EVC: variants seen among roughly 807,000 people sequenced by gnomAD.
EVC encodes the protein EvC ciliary complex subunit 1, also known as evC complex member EVC.
EVC carries 116 observed loss-of-function variants against 118.9 expected under a neutral mutation model. The ratio of observed to expected loss-of-function variants is 0.98; its 90% CI spans 0.84 to 1.14. The LOEUF is 1.14. Among genes scored for constraint, EVC ranks in the 50% most tolerant of loss-of-function variants. EVC has a pLI of 0.00. For missense variants in EVC, 1,401 were observed against 1,246.4 expected, an observed-to-expected ratio of 1.12 and a Z score of -1.87; for synonymous variants, 619 against 534.7, an observed-to-expected ratio of 1.16 and a Z score of -2.18.
At chr4:5,748,600 C>G (rs1729785086) in intron 8 of EVC, among the ~76,000 whole-genome samples, 1 of 133,972 alleles carries the variant, frequency 7.5e-6, no homozygotes, top group African/African-American at 2.8e-5. Flanking sequence ...ATCCATCCAT[C>G]CACCCATCCA....
At chr4:5,779,500 A>G (rs1735261091) in intron 11 of EVC, among the ~76,000 whole-genome samples, 1 of 148,944 alleles carries the variant, frequency 6.7e-6, no homozygotes, top group Admixed American at 6.7e-5. Context: ...ATTTGTTTGT[A>G]TCCTCTTTTA....
At position 5,769,294 on chromosome 4, in the gene EVC, T is replaced by A. The variant is rs139878602; in HGVS notation, c.1563+12932T>A. On this transcript the variant is annotated intron_variant, in intron 11 of 20. Coordinates refer to ENST00000264956, the MANE Select transcript of EVC (RefSeq NM_153717.3). The stretch of plus-strand genomic sequence containing the variant: ...CAGATCTCATGAGACTTACCCACTG[T>A]CACAAGAACAGCATGGGAAAGACCC... Among the ~76,000 whole-genome samples the A allele has an allele frequency of 2.9e-3, 436 of 152,192 alleles. 6 individuals carry two copies. Among genetic ancestry groups the A allele is most frequent in the African/African-American group, 0.01 (417 of 41,474 alleles).
chr4:5,824,300 T>C, the EVC span: 1 of 985,416 alleles, frequency 1.0e-6, no homozygotes. Context: ...TTTAGCATTC[T>C]ATTTAGGGTC....
At chr4:5,790,283 CAG>C (rs1427662431) in intron 12 of EVC, among the ~76,000 whole-genome samples, 1 of 151,796 alleles carries the variant, frequency 6.6e-6, no homozygotes, top group Non-Finnish European at 1.5e-5. Context: ...CAAGAGGAAT[CAG>C]AGATGGGAGT....
At chr4:5,771,896 T>TTTA (rs144615603) in intron 11 of EVC, among the ~76,000 whole-genome samples, 10 of 150,652 alleles carry the variant, frequency 6.6e-5, no homozygotes, top group Admixed American at 3.3e-4. Flanking sequence ...TTTATTTTAT[T>TTTA]TTATTATTAT....
intron 2 of EVC, 151 bp from the exon 3 acceptor site, chr4:5,729,156 A>G (rs1726372928): frequency 1.4e-6 from 1 of 734,974 alleles, no homozygotes; most frequent in African/African-American, 1.7e-5. Context: ...TCCTTCTGGC[A>G]AGGAAGAGCT....
At chr4:5,816,016 T>G (rs1717616987), downstream of EVC, among the ~76,000 whole-genome samples, 1 of 151,900 alleles carries the variant, frequency 6.6e-6, no homozygotes, top group African/African-American at 2.4e-5. Flanking sequence ...AATACTATTT[T>G]CCCCCCATGG....
rs1729445720 is a variant in EVC, at chr4:5,746,959, G to C, written c.940-1189G>C. Among the ~76,000 whole-genome samples the C allele has an allele frequency of 6.6e-6, 1 of 152,112 alleles. No individual in the cohort carries two copies. Among genetic ancestry groups the C allele is most frequent in the Non-Finnish European group, 1.5e-5 (1 of 68,026 alleles). On this transcript the variant is annotated intron_variant, in intron 7 of 20. Coordinates refer to ENST00000264956, the MANE Select transcript of EVC (RefSeq NM_153717.3). This position sits in a 1 kb window ranked among gnomAD's most constrained non-coding sequence, Gnocchi z 5.8. ...AAGCAGAGCGGGCTGTGTAGAGTTGGCAGGTGACAGTCTGCAGTCACGTGG... is the reference window on the plus strand; with the variant it reads ...AAGCAGAGCGGGCTGTGTAGAGTTGCCAGGTGACAGTCTGCAGTCACGTGG...
intron 17 of EVC, 69 bp from the exon 18 acceptor site, chr4:5,808,132 T>TGCCAAC: frequency 2.2e-6 from 1 of 464,752 alleles, no homozygotes; most frequent in Non-Finnish European, 4.1e-6. Flanking sequence ...GCCTTCCTTC[T>TGCCAAC]CCCTCCCTCC....
At chr4:5,732,512 G>C (rs1726984498) in intron 4 of EVC, among the ~76,000 whole-genome samples, 1 of 152,202 alleles carries the variant, frequency 6.6e-6, no homozygotes, top group East Asian at 1.9e-4. Context: ...GGGTGGGAGA[G>C]TCATCATTTA....
chr4:5,768,649 G>A (rs1367801580), intron 11 of EVC, among the ~76,000 whole-genome samples: 1 of 152,016 alleles, frequency 6.6e-6, no homozygotes, highest in Non-Finnish European at 1.5e-5. Context: ...TTGAGGTCAA[G>A]AGTTCAAGAC....
At chr4:5,726,583 T>TTTTTTA (rs397992166) in intron 2 of EVC, among the ~76,000 whole-genome samples, 2 of 148,312 alleles carry the variant, frequency 1.3e-5, no homozygotes, top group African/African-American at 5.0e-5. Flanking sequence ...TTTTTTTTTT[T>TTTTTTA]ATTATACTTT....
chr4:5,800,769 T>G (rs2152354099), intron 15 of EVC, among the ~76,000 whole-genome samples: 1 of 152,270 alleles, frequency 6.6e-6, no homozygotes, highest in Admixed American at 6.5e-5. Flanking sequence ...CAGTAAGGGA[T>G]GAGCAGGGGC....
intron 13 of EVC, among the ~76,000 whole-genome samples, chr4:5,795,554 A>C (rs911814370): frequency 6.6e-6 from 1 of 152,234 alleles, no homozygotes; most frequent in Admixed American, 6.5e-5. Context: ...TGGGAGACTG[A>C]GGCACAAGAA....
intron 11 of EVC, among the ~76,000 whole-genome samples, chr4:5,781,385 G>T (rs1441032120): frequency 6.6e-6 from 1 of 152,166 alleles, no homozygotes; most frequent in African/African-American, 2.4e-5. Flanking sequence ...ACCCTGGTAG[G>T]CTAACCAAAC....
At chr4:5,792,222 G>C in intron 12 of EVC, among the ~76,000 whole-genome samples, 1 of 152,160 alleles carries the variant, frequency 6.6e-6, no homozygotes, top group Non-Finnish European at 1.5e-5. Flanking sequence ...GATCCATTCA[G>C]ATTGCTAAAA....
chr4:5,767,605 A>G lies in EVC; in HGVS notation c.1563+11243A>G, dbSNP rs139932846. Among the ~76,000 whole-genome samples the G allele has an allele frequency of 1.9e-3, 292 of 150,428 alleles. 1 individual carries two copies. Among genetic ancestry groups the G allele is most frequent in the African/African-American group, 6.7e-3 (277 of 41,038 alleles). ...ACGTGTGGGATATAATCTCCTGGTG[A>G]GCCGTTTTTTAAGCCCGTCGGAAAA... On this transcript the variant is annotated intron_variant, in intron 11 of 20. Transcript: ENST00000264956.
In EVC at chr4:5,798,193, C is replaced by G. The variant is rs910095081; in HGVS notation, c.2098-393C>G. 1.3e-5 allele frequency among the ~76,000 whole-genome samples: 2 copies of G among 152,214 alleles called. No individual in the cohort carries two copies. The highest frequency in any genetic ancestry group is 2.9e-5 in the Non-Finnish European group (2 of 68,038). On this transcript the variant is annotated intron_variant, in intron 14 of 20. Transcript: ENST00000264956. The surrounding 1 kb of genome is among the most constrained non-coding windows in gnomAD (Gnocchi z 4.1). ...CCTCAGCTTCTGTGATATCCTGAGA[C>G]TCACATCTGGCTTCAAACCTGGCTC... is the stretch of plus-strand genomic sequence containing the variant.
intron 13 of EVC, among the ~76,000 whole-genome samples, chr4:5,794,333 A>ATG (rs1338494313): frequency 8.4e-6 from 1 of 118,786 alleles, no homozygotes; most frequent in Non-Finnish European, 1.8e-5. Flanking sequence ...ATTTATATAT[A>ATG]TTTATATACT....
Sources: allele counts gnomAD v4.1 joint callset (sites outside exome capture counted in the v4.1 genomes callset), GRCh38; gene constraint gnomAD v4.1.1; non-coding constraint Gnocchi (gnomAD v3.1); transcripts MANE v1.5; gene names NCBI Gene and HGNC (gene_info 2026-07-23, HGNC 2026-07-21).